PTPRN2: variants seen among roughly 807,000 people sequenced by gnomAD.
PTPRN2 encodes the protein protein tyrosine phosphatase receptor type N2.
PTPRN2 carries 74 observed loss-of-function variants against 118.8 expected under a neutral mutation model. That is an observed-to-expected ratio of 0.62 (90% CI 0.52 to 0.76). The LOEUF (loss-of-function observed/expected upper bound fraction) is 0.76. Among genes scored for constraint, PTPRN2 ranks in the 30% least tolerant of loss-of-function variants. The probability of loss-of-function intolerance (pLI) is 0.00; values close to 1 mark genes in which losing one functional copy is unlikely to be tolerated. For missense variants in PTPRN2, 1,481 were observed against 1,394.4 expected (o/e 1.06, Z -0.99); for synonymous variants, 641 against 608.0 (o/e 1.05, Z -0.80).
In PTPRN2 at chr7:157,632,016, G is replaced by C. The variant is rs1803993633; in HGVS notation, c.2197-10507C>G. Among the ~76,000 whole-genome samples, 1 of 152,180 alleles carries C rather than the reference G, an allele frequency of 6.6e-6. No homozygotes were observed. Among genetic ancestry groups the C allele is most frequent in the African/African-American group, 2.4e-5 (1 of 41,438 alleles). ...TTTCCGAAGAGCAAAGGGAAAGGAA[G>C]GTTAACTCTTTGCAAAGTGGTGTGT... On this transcript the variant is annotated intron_variant, in intron 14 of 22. Coordinates refer to ENST00000389418, the MANE Select transcript of PTPRN2 (RefSeq NM_002847.5). This position sits in a 1 kb window ranked among gnomAD's most constrained non-coding sequence, Gnocchi z 4.3.
chr7:157,710,762 T>C (rs1481040463), intron 12 of PTPRN2, among the ~76,000 whole-genome samples: 1 of 89,780 alleles, frequency 1.1e-5, no homozygotes. Context: ...AGCCCGCCCA[T>C]GTGCAGGAGG....
At chr7:157,968,353 G>C (rs924491655) in intron 11 of PTPRN2, among the ~76,000 whole-genome samples, 1 of 152,232 alleles carries the variant, frequency 6.6e-6, no homozygotes, top group Non-Finnish European at 1.5e-5. Flanking sequence ...GCCTTGGGCA[G>C]CACCTGTGAT....
chr7:158,393,785 A>G (rs1421204054), intron 2 of PTPRN2, among the ~76,000 whole-genome samples: 1 of 152,116 alleles, frequency 6.6e-6, no homozygotes. Context: ...GGAAGCCCAC[A>G]CCGTCTTCAT....
intron 2 of PTPRN2, among the ~76,000 whole-genome samples, chr7:158,400,939 A>G (rs1812896102): frequency 6.6e-6 from 1 of 151,968 alleles, no homozygotes; most frequent in South Asian, 2.1e-4. Context: ...CCTGTAAAGA[A>G]CCTCACGAGG....
At chr7:158,162,723 G>A (rs976535299) in intron 6 of PTPRN2, among the ~76,000 whole-genome samples, 1 of 152,078 alleles carries the variant, frequency 6.6e-6, no homozygotes, top group African/African-American at 2.4e-5. Flanking sequence ...TCTTTGAAAG[G>A]AGACCAGATG....
At chr7:158,322,358 A>T (rs371016041) in intron 2 of PTPRN2, among the ~76,000 whole-genome samples, 1 of 152,248 alleles carries the variant, frequency 6.6e-6, no homozygotes, top group Non-Finnish European at 1.5e-5. Context: ...AAAGGGCACG[A>T]GAGCACCTGA....
chr7:158,492,221 C>A (rs7788773), intron 1 of PTPRN2, among the ~76,000 whole-genome samples: 40,535 of 152,168 alleles, frequency 0.27, 5,546 homozygotes, highest in South Asian at 0.38. Flanking sequence ...GTCCCTGGTC[C>A]CGGCTCTGGC....
At chr7:157,804,143 A>G (rs1805484983) in intron 12 of PTPRN2, among the ~76,000 whole-genome samples, 1 of 152,238 alleles carries the variant, frequency 6.6e-6, no homozygotes, top group South Asian at 2.1e-4. Context: ...GCAAGCCCTT[A>G]TTTCGTAGCA....
Position 158,132,007 on chromosome 7 carries a change from CAT to C in PTPRN2, c.1556+1668_1556+1669del, listed in dbSNP as rs1428679778. 7.4e-5 allele frequency among the ~76,000 whole-genome samples: 7 copies of C among 94,850 alleles called. No individual in the cohort carries two copies. The East Asian group carries it at 9.4e-4, about 13-fold the overall frequency. The allele number at this position is 94,850 out of a possible 152,430, so 62.2% of individuals were successfully genotyped here. ...ACACACTCACACACATGTAAATATGCATAGATACACATCTATGACATATACAC... is the reference window on the plus strand; with the variant it reads ...ACACACTCACACACATGTAAATATGCAGATACACATCTATGACATATACAC... On this transcript the variant is annotated intron_variant, in intron 9 of 22. Coordinates refer to ENST00000389418, the MANE Select transcript of PTPRN2 (RefSeq NM_002847.5).
At chr7:157,888,440 C>T (rs897960352) in intron 12 of PTPRN2, among the ~76,000 whole-genome samples, 1 of 152,110 alleles carries the variant, frequency 6.6e-6, no homozygotes, top group African/African-American at 2.4e-5. Flanking sequence ...CTACCTCTGA[C>T]CACGTGAGCT....
At chr7:158,452,939 A>G (rs1404286098) in intron 2 of PTPRN2, among the ~76,000 whole-genome samples, 1 of 152,210 alleles carries the variant, frequency 6.6e-6, no homozygotes, top group African/African-American at 2.4e-5. Flanking sequence ...GTCTGCAATC[A>G]ACGCTGGTAC....
chr7:158,340,413 T>A (rs1344016344), intron 2 of PTPRN2, among the ~76,000 whole-genome samples: 1 of 66,816 alleles, frequency 1.5e-5, no homozygotes, highest in Non-Finnish European at 3.2e-5. Context: ...CCCGCAGACG[T>A]CACTCACACA....
chr7:158,242,710 C>T (rs1795969581), intron 3 of PTPRN2, among the ~76,000 whole-genome samples: 1 of 152,178 alleles, frequency 6.6e-6, no homozygotes, highest in Non-Finnish European at 1.5e-5. Context: ...AATCTCCTTA[C>T]TCGTTACAGT....
At chr7:158,469,876 C>T (rs964305459) in intron 2 of PTPRN2, among the ~76,000 whole-genome samples, 1 of 149,862 alleles carries the variant, frequency 6.7e-6, no homozygotes, top group African/African-American at 2.5e-5. Flanking sequence ...TGTCCTAGTG[C>T]ATCATAAAAG....
intron 11 of PTPRN2, among the ~76,000 whole-genome samples, chr7:157,936,062 G>A (rs1799681525): frequency 6.6e-6 from 1 of 152,208 alleles, no homozygotes; most frequent in Non-Finnish European, 1.5e-5. Flanking sequence ...GTGCAGCAAC[G>A]CCATTCTGTC....
chr7:158,343,933 A>T (rs1437436401), intron 2 of PTPRN2, among the ~76,000 whole-genome samples: 1 of 152,176 alleles, frequency 6.6e-6, no homozygotes, highest in Non-Finnish European at 1.5e-5. Context: ...GATGAGTTTA[A>T]ATTCAGCTCC....
Position 157,763,620 on chromosome 7 carries a change from G to A in PTPRN2, c.1789-80683C>T, listed in dbSNP as rs965038877. Among the ~76,000 whole-genome samples, 6 of 152,080 alleles carry A rather than the reference G, an allele frequency of 3.9e-5. No homozygotes were observed. In the East Asian group the frequency reaches 5.8e-4, roughly 15 times the overall value. ...AGGCCACGCCCCTAACCTGACTGCA[G>A]ATTAAATTCTTCTGGAAATCTTAGC... On this transcript the variant is annotated intron_variant, in intron 12 of 22. Transcript: ENST00000389418. This position sits in a 1 kb window ranked among gnomAD's most constrained non-coding sequence, Gnocchi z 4.9.
chr7:157,950,326 G>C (rs1413915777), intron 11 of PTPRN2, among the ~76,000 whole-genome samples: 1 of 152,206 alleles, frequency 6.6e-6, no homozygotes, highest in East Asian at 1.9e-4. Flanking sequence ...GTTGTGCCAG[G>C]TCAAATGCTC....
chr7:158,328,889 T>C (rs755597775), intron 2 of PTPRN2, among the ~76,000 whole-genome samples: 1 of 121,212 alleles, frequency 8.3e-6, no homozygotes, highest in Non-Finnish European at 1.7e-5. Context: ...CCTCTGTTCC[T>C]CTCGCCACCC....
Sources: gnomAD v4.1 joint callset for allele counts (sites outside exome capture counted in the v4.1 genomes callset) on GRCh38, gnomAD v4.1.1 for gene constraint, Gnocchi (gnomAD v3.1) non-coding constraint, MANE v1.5 for transcripts, NCBI Gene and HGNC (gene_info 2026-07-23, HGNC 2026-07-21) for gene names.